Variants in SPOCK3 observed in about 807,000 individuals in gnomAD.
SPOCK3 encodes SPARC (osteonectin), cwcv and kazal like domains proteoglycan 3.
Under a neutral mutation model 56.6 loss-of-function variants are expected in SPOCK3, and 30 were observed. The ratio of observed to expected loss-of-function variants is 0.53; its 90% confidence interval spans 0.40 to 0.72. The LOEUF (loss-of-function observed/expected upper bound fraction) is 0.72. Ranked by LOEUF, SPOCK3 falls within the 30% of genes least tolerant of loss-of-function variation. SPOCK3 has a pLI of 0.00. For synonymous variants in SPOCK3, 196 were observed against 183.3 expected (o/e 1.07, Z -0.56); for missense variants, 527 against 530.0 (o/e 0.99, Z 0.06).
At chr4:167,177,399 A>G (rs965215700) in intron 2 of SPOCK3, among the ~76,000 whole-genome samples, 1 of 152,080 alleles carries the variant, frequency 6.6e-6, no homozygotes, top group African/African-American at 2.4e-5. Flanking sequence ...ATCACCACTG[A>G]CATGCCTTCC....
chr4:167,048,137 C>G (rs936336428), intron 3 of SPOCK3, among the ~76,000 whole-genome samples: 5 of 151,598 alleles, frequency 3.3e-5, no homozygotes, highest in African/African-American at 1.2e-4. Context: ...TACACATTAT[C>G]TTAATTAAAG....
intron 6 of SPOCK3, among the ~76,000 whole-genome samples, chr4:166,814,292 T>C (rs1475755324): frequency 6.6e-6 from 1 of 152,080 alleles, no homozygotes; most frequent in Non-Finnish European, 1.5e-5. Context: ...CCTGTGATGA[T>C]TAATGTTAGG....
chr4:167,062,752 A>G (rs1755737131), intron 2 of SPOCK3: 1 of 513,878 alleles, frequency 1.9e-6, no homozygotes, highest in African/African-American at 2.0e-5. Flanking sequence ...TTTTCAAGTT[A>G]CAGAAATGTC....
At chr4:166,979,707 A>T (rs1746367465) in intron 4 of SPOCK3, among the ~76,000 whole-genome samples, 1 of 152,094 alleles carries the variant, frequency 6.6e-6, no homozygotes, top group Admixed American at 6.6e-5. Flanking sequence ...AACTCTAAAG[A>T]GTTTGAATTT....
chr4:167,230,136 T>C (rs933899403), intron 2 of SPOCK3, among the ~76,000 whole-genome samples: 1 of 151,594 alleles, frequency 6.6e-6, no homozygotes, highest in Non-Finnish European at 1.5e-5. Flanking sequence ...TTTTTTGTCA[T>C]TCCTAATTAA....
chr4:166,993,577 T>C (rs2150115950), intron 4 of SPOCK3, among the ~76,000 whole-genome samples: 1 of 152,304 alleles, frequency 6.6e-6, no homozygotes, highest in Middle Eastern at 3.4e-3. Context: ...CCTTCTCAAC[T>C]GCCAAAATCA....
intron 6 of SPOCK3, among the ~76,000 whole-genome samples, chr4:166,799,336 G>A (rs1742299403): frequency 6.6e-6 from 1 of 152,184 alleles, no homozygotes; most frequent in Admixed American, 6.5e-5. Context: ...CAATATCAAA[G>A]TGAGGATTTT....
At chr4:166,752,563 TATATATATATACACACACAC>T (rs772473918) in intron 8 of SPOCK3, among the ~76,000 whole-genome samples, 26 of 53,410 alleles carry the variant, frequency 4.9e-4, no homozygotes, top group African/African-American at 9.2e-4. Context: ...TATATATATA[TATATATATATACACACACAC>T]ACACACACAC....
At chr4:167,033,158 G>A (rs1220067274) in intron 3 of SPOCK3, among the ~76,000 whole-genome samples, 2 of 151,708 alleles carry the variant, frequency 1.3e-5, no homozygotes, top group African/African-American at 4.8e-5. Flanking sequence ...TTAGGAGTGG[G>A]AAATCACCAG....
At chr4:167,162,759 C>T (rs1226916300) in intron 2 of SPOCK3, among the ~76,000 whole-genome samples, 1 of 151,990 alleles carries the variant, frequency 6.6e-6, no homozygotes, top group Non-Finnish European at 1.5e-5. Context: ...ATTGTATTTA[C>T]TCTCGACTTT....
chr4:166,901,025 C>T lies in SPOCK3; in HGVS notation c.474+11595G>A, dbSNP rs555469843. 9.9e-5 allele frequency among the ~76,000 whole-genome samples: 15 copies of T among 152,244 alleles called. No homozygotes were observed. In the South Asian group the frequency reaches 2.3e-3, roughly 23 times the overall value. On this transcript the variant is annotated intron_variant, in intron 5 of 10. Transcript: ENST00000357545. ...GTTGCAAGTGTCTTAAAGTTAACTG[C>T]GTGCTGTGTCTGACTTCCCCAGACA... is the stretch of plus-strand genomic sequence containing the variant.
intron 2 of SPOCK3, among the ~76,000 whole-genome samples, chr4:167,144,202 T>C (rs1021738100): frequency 1.3e-5 from 2 of 152,020 alleles, no homozygotes; most frequent in African/African-American, 4.8e-5. Context: ...GGAACTATCA[T>C]AAACAGTCTA....
chr4:167,222,102 C>T (rs1172243160), intron 2 of SPOCK3, among the ~76,000 whole-genome samples: 1 of 151,994 alleles, frequency 6.6e-6, no homozygotes, highest in Non-Finnish European at 1.5e-5. Flanking sequence ...AATATACATA[C>T]AATGGAATAT....
At chr4:166,763,126 T>C (rs923282925) in intron 7 of SPOCK3, among the ~76,000 whole-genome samples, 9 of 136,482 alleles carry the variant, frequency 6.6e-5, no homozygotes, top group Non-Finnish European at 1.1e-4. Context: ...AAAGCCAGCA[T>C]CAAAAAGAAA....
chr4:167,080,872 T>C (rs1757638772), intron 2 of SPOCK3, among the ~76,000 whole-genome samples: 1 of 150,026 alleles, frequency 6.7e-6, no homozygotes, highest in African/African-American at 2.5e-5. Flanking sequence ...TATATTCTCT[T>C]TCTTTCTTTT....
intron 6 of SPOCK3, among the ~76,000 whole-genome samples, chr4:166,836,654 G>C (rs1392572107): frequency 1.3e-5 from 2 of 151,830 alleles, no homozygotes; most frequent in African/African-American, 4.8e-5. Flanking sequence ...GCCTCATCTA[G>C]TGCCCTATGG....
At chr4:166,868,145 AT>A (rs897627672) in intron 6 of SPOCK3, among the ~76,000 whole-genome samples, 57 of 152,004 alleles carry the variant, frequency 3.7e-4, no homozygotes, top group African/African-American at 1.3e-3. Context: ...TGGAAGCAAA[AT>A]TTAAAAATTA....
chr4:166,893,154 C>T (rs1384750810), intron 5 of SPOCK3, among the ~76,000 whole-genome samples: 1 of 151,984 alleles, frequency 6.6e-6, no homozygotes, highest in African/African-American at 2.4e-5. Context: ...AAGGACAACC[C>T]CCCTGCCAGA....
rs1192649721 is a variant in SPOCK3 at position 166,953,571 on chromosome 4, C to A, written c.351-40828G>T. Among the ~76,000 whole-genome samples, 6 of 152,140 alleles carry A rather than the reference C, an allele frequency of 3.9e-5. No individual in the cohort carries two copies. In the East Asian group the frequency reaches 9.7e-4, roughly 25 times the overall value. On this transcript the variant is annotated intron_variant, in intron 4 of 10. Coordinates refer to ENST00000357545, the MANE Select transcript of SPOCK3 (RefSeq NM_001040159.2). ...AACTAGAAATACCATTTGACCCAGC[C>A]ATCCCATTACTGGGTATATACCCAA...
Sources: gnomAD v4.1 joint callset for allele counts (sites outside exome capture counted in the v4.1 genomes callset) on GRCh38, gnomAD v4.1.1 for gene constraint, MANE v1.5 for transcripts, NCBI Gene and HGNC (gene_info 2026-07-23, HGNC 2026-07-21) for gene names.